Variants in MICU3 observed in about 807,000 individuals in gnomAD.
MICU3 encodes the protein calcium uptake protein 3, mitochondrial.
In MICU3, 62 loss-of-function variants were observed where a neutral mutation model predicts 66.5. The ratio of observed to expected loss-of-function variants is 0.93; its 90% CI spans 0.76 to 1.15. The LOEUF (loss-of-function observed/expected upper bound fraction) is 1.15. Ranked by LOEUF, MICU3 falls within the 50% of genes most tolerant of loss-of-function variation. The pLI, the probability that MICU3 is intolerant of heterozygous loss-of-function variation, is 0.00. For synonymous variants in MICU3, 308 were observed against 240.7 expected, an observed-to-expected ratio of 1.28 and a Z score of -2.59; for missense variants, 779 against 664.4, an observed-to-expected ratio of 1.17 and a Z score of -1.90.
intron 1 of MICU3, among the ~76,000 whole-genome samples, chr8:17,051,103 A>AT (rs1417495517): frequency 6.6e-6 from 1 of 152,100 alleles, no homozygotes; most frequent in African/African-American, 2.4e-5. Flanking sequence ...GTATCAGAAA[A>AT]TTTTTTATTC....
chr8:17,105,206 T>A (rs1468045991), intron 10 of MICU3, among the ~76,000 whole-genome samples: 2 of 151,964 alleles, frequency 1.3e-5, no homozygotes, highest in African/African-American at 4.8e-5. Flanking sequence ...AAGGCTAGGT[T>A]ATTTGCCCTG....
chr8:17,080,827 G>A (rs1449458220), intron 4 of MICU3, among the ~76,000 whole-genome samples: 1 of 152,032 alleles, frequency 6.6e-6, no homozygotes, highest in African/African-American at 2.4e-5. Flanking sequence ...CAGATAAAAT[G>A]GAGTTTTAAA....
chr8:17,056,009 C>T (rs562229046), intron 1 of MICU3, among the ~76,000 whole-genome samples: 1 of 152,302 alleles, frequency 6.6e-6, no homozygotes, highest in Admixed American at 6.5e-5. Flanking sequence ...AACCTCACCA[C>T]ACACACTAAG....
the MICU3 span, among the ~76,000 whole-genome samples, chr8:17,129,198 G>A: frequency 6.6e-6 from 1 of 152,146 alleles, no homozygotes. Flanking sequence ...TACCTGCACA[G>A]GAAGACAGCA....
At chr8:17,125,585 T>A (rs950051482), downstream of MICU3, among the ~76,000 whole-genome samples, 5 of 152,184 alleles carry the variant, frequency 3.3e-5, no homozygotes, top group Non-Finnish European at 7.3e-5. Context: ...TATGTATAGG[T>A]CTTTTCTCTT....
At chr8:17,042,776 A>C (rs935093339) in intron 1 of MICU3, among the ~76,000 whole-genome samples, 6 of 152,168 alleles carry the variant, frequency 3.9e-5, no homozygotes, top group African/African-American at 1.4e-4. Flanking sequence ...AAGTGTATAC[A>C]AAAGAATTTC....
chr8:17,039,575 T>C (rs1813673492), intron 1 of MICU3, among the ~76,000 whole-genome samples: 1 of 152,324 alleles, frequency 6.6e-6, no homozygotes, highest in East Asian at 1.9e-4. Context: ...GGGTTTAATG[T>C]GACTTCTTAA....
At chr8:17,036,955 C>T (rs369272898) in intron 1 of MICU3, among the ~76,000 whole-genome samples, 12 of 152,228 alleles carry the variant, frequency 7.9e-5, no homozygotes, top group South Asian at 4.1e-4. Flanking sequence ...GTCCCGAGTC[C>T]TGCCCCGCGG....
At chr8:17,074,590 C>CGTGTGTGTGTGTGTGTGTGTGTGGT (rs1820096911) in intron 3 of MICU3, among the ~76,000 whole-genome samples, 2 of 141,944 alleles carry the variant, frequency 1.4e-5, no homozygotes, top group Admixed American at 7.1e-5. Context: ...GATGTTAAAA[C>CGTGTGTGTGTGTGTGTGTGTGTGGT]GTGTGTGTGT....
chr8:17,073,086 T>C (rs1461376965), intron 3 of MICU3, among the ~76,000 whole-genome samples: 2 of 151,966 alleles, frequency 1.3e-5, no homozygotes, highest in Admixed American at 1.3e-4. Context: ...AGACAGGGTT[T>C]TGCTCTGTCA....
chr8:17,136,221 G>A, the MICU3 span, among the ~76,000 whole-genome samples: 1 of 152,022 alleles, frequency 6.6e-6, no homozygotes. Context: ...ATTCATGAGA[G>A]GGACATTTCT....
chr8:17,090,391 C>T (rs78565206), intron 7 of MICU3, among the ~76,000 whole-genome samples, 155 bp from the exon 8 acceptor site: 258 of 151,990 alleles, frequency 1.7e-3, no homozygotes, highest in Non-Finnish European at 2.9e-3. Context: ...AACATTTATC[C>T]CACTTGTATT....
Position 17,027,620 on chromosome 8 carries a change from G to C in MICU3, c.341G>C (p.Arg114Pro), listed in dbSNP as rs1261983239. 4.6e-6 allele frequency: 6 copies of C among 1,309,728 alleles called. No homozygotes were observed. The highest frequency in any genetic ancestry group is 5.8e-6 in the Non-Finnish European group (6 of 1,033,628). 81.1% of individuals were successfully genotyped at this position (1,309,728 alleles called of 1,614,324 possible). ...ATEPEDPPRGRGMLPIPVAAA... is the reference protein window; with the variant it reads ...ATEPEDPPRGPGMLPIPVAAA... ...GAGCCCGAGGACCCGCCCCGCGGCC[G>C]GGGGATGCTGCCCATCCCAGTGGCG... The change falls in exon 1 of 15, where the codon CGG (arginine) becomes CCG (proline). Residue 114 changes from arginine to proline, a missense_variant. Coordinates refer to ENST00000318063, the MANE Select transcript of MICU3 (RefSeq NM_181723.3).
intron 2 of MICU3, among the ~76,000 whole-genome samples, chr8:17,066,710 A>G (rs1328581877): frequency 6.6e-6 from 1 of 151,142 alleles, no homozygotes; most frequent in Non-Finnish European, 1.5e-5. Context: ...GCCACCAGCT[A>G]ATTTTTTAAA....
intron 8 of MICU3, among the ~76,000 whole-genome samples, chr8:17,091,089 G>T (rs906375758): frequency 6.6e-6 from 1 of 151,732 alleles, no homozygotes; most frequent in Non-Finnish European, 1.5e-5. Flanking sequence ...ACAAAAATCT[G>T]GTGTAAGCTG....
intron 1 of MICU3, among the ~76,000 whole-genome samples, chr8:17,037,340 G>A (rs1429356257): frequency 3.3e-5 from 5 of 152,226 alleles, no homozygotes; most frequent in Non-Finnish European, 7.3e-5. Context: ...TGCCGAGAGC[G>A]AGCGAGGACT....
the MICU3 span, chr8:17,131,167 G>C: frequency 4.6e-5 from 7 of 152,318 alleles, no homozygotes; most frequent in Admixed American, 1.3e-4. Context: ...AAATTGACTA[G>C]TGAAAGTTAA....
rs1264244652 is a variant in MICU3, at chr8:17,037,746, A to G, written c.381+10086A>G. 2.0e-5 allele frequency among the ~76,000 whole-genome samples: 3 copies of G among 152,152 alleles called. No homozygotes were observed. The South Asian group carries it at 6.2e-4, about 31-fold the overall frequency. On this transcript the variant is annotated intron_variant, in intron 1 of 14. Transcript: ENST00000318063. ...CCTGGAAAAGCCACAGACACTCAAC[A>G]TCAGCCCATGAAAGCAGCCGGGAGT...
At chr8:17,113,506 G>T (rs376795819) in intron 11 of MICU3, among the ~76,000 whole-genome samples, 3 of 152,296 alleles carry the variant, frequency 2.0e-5, no homozygotes, top group African/African-American at 7.2e-5. Flanking sequence ...AGCCCAGTGT[G>T]GAGGCACCCA....
Sources: gnomAD v4.1 joint callset for allele counts (sites outside exome capture counted in the v4.1 genomes callset) on GRCh38, gnomAD v4.1.1 for gene constraint, MANE v1.5 for transcripts, NCBI Gene and HGNC (gene_info 2026-07-23, HGNC 2026-07-21) for gene names.